Variants in WARS2 observed in about 807,000 individuals in gnomAD.
WARS2 encodes tryptophanyl tRNA synthetase 2, mitochondrial.
In WARS2, 28 loss-of-function variants were observed where a neutral mutation model predicts 36.5. That is an observed-to-expected ratio of 0.77 (90% confidence interval 0.57 to 1.05). WARS2 has a LOEUF of 1.05. Ranked by LOEUF, WARS2 falls within the 50% of genes least tolerant of loss-of-function variation. WARS2 has a pLI of 0.00. For missense variants in WARS2, 435 were observed against 456.8 expected, an observed-to-expected ratio of 0.95 and a Z score of 0.44; for synonymous variants, 174 against 178.4, an observed-to-expected ratio of 0.98 and a Z score of 0.20.
chr1:119,085,533 G>A, intron 1 of WARS2: 1 of 1,608,284 alleles, frequency 6.2e-7, no homozygotes, highest in East Asian at 2.2e-5. Context: ...ACTTGGTGAG[G>A]GGGTACGAGC....
chr1:119,140,340 G>A (rs1264057112), intron 1 of WARS2: 4 of 401,744 alleles, frequency 1.0e-5, no homozygotes, highest in African/African-American at 8.3e-5. Context: ...AGAAAGCGGC[G>A]CGCTTTTTCC....
At chr1:119,062,071 T>G (rs781770340) in intron 2 of WARS2, among the ~76,000 whole-genome samples, 17 of 152,162 alleles carry the variant, frequency 1.1e-4, no homozygotes, top group Non-Finnish European at 2.1e-4. Flanking sequence ...TGTGGAAAAC[T>G]GAGGCTTCTT....
At chr1:119,134,697 T>C (rs896253849) in intron 1 of WARS2, among the ~76,000 whole-genome samples, 2 of 152,216 alleles carry the variant, frequency 1.3e-5, no homozygotes, top group Non-Finnish European at 2.9e-5. Context: ...AGTCAGCATA[T>C]CATCTCTGTG....
intron 2 of WARS2, among the ~76,000 whole-genome samples, chr1:119,070,305 A>C (rs1271707631): frequency 1.3e-5 from 2 of 152,068 alleles, no homozygotes; most frequent in African/African-American, 4.8e-5. Context: ...TCTGTCACCC[A>C]GGCTGGAGTG....
intron 2 of WARS2, among the ~76,000 whole-genome samples, chr1:119,065,547 A>C (rs1450827906): frequency 2.0e-5 from 3 of 151,352 alleles, no homozygotes; most frequent in Non-Finnish European, 4.4e-5. Flanking sequence ...AGGCATGAGA[A>C]TAGCTTGAAT....
chr1:119,113,964 T>C (rs902438885), intron 1 of WARS2, among the ~76,000 whole-genome samples: 2 of 152,162 alleles, frequency 1.3e-5, no homozygotes, highest in African/African-American at 2.4e-5. Context: ...CTAAGTTATA[T>C]CTAATAAGAA....
Position 119,040,845 on chromosome 1 carries a change from C to G in WARS2, c.515+1419G>C, listed in dbSNP as rs1478582688. ...CTTTACAAGCAAATATCCTACCTCT[C>G]TAGAAAATGTATTATTAAGACTTTC... On this transcript the variant is annotated intron_variant, in intron 4 of 5. Coordinates refer to ENST00000235521, the MANE Select transcript of WARS2 (RefSeq NM_015836.4). Among the ~76,000 whole-genome samples, 5 of 152,154 alleles carry G rather than the reference C, an allele frequency of 3.3e-5. No homozygotes were observed. The South Asian group carries it at 8.3e-4, about 25-fold the overall frequency.
chr1:119,138,853 T>A (rs1485798195), intron 1 of WARS2, among the ~76,000 whole-genome samples: 1 of 152,176 alleles, frequency 6.6e-6, no homozygotes, highest in Non-Finnish European at 1.5e-5. Flanking sequence ...ACAATCTAGA[T>A]TAATAATTAA....
At chr1:119,140,411 A>G in intron 1 of WARS2, 144 bp downstream of exon 1, 1 of 632,978 alleles carries the variant, frequency 1.6e-6, no homozygotes, top group South Asian at 2.5e-5. Context: ...GAGCAGGCCG[A>G]CAGTCATAGA....
chr1:119,076,069 T>A (rs186117658), intron 2 of WARS2, among the ~76,000 whole-genome samples: 11 of 152,212 alleles, frequency 7.2e-5, no homozygotes, highest in Admixed American at 6.5e-4. Flanking sequence ...GCAAAACAAT[T>A]CCAGGGCTAG....
intron 3 of WARS2, 108 bp from the exon 4 acceptor site, chr1:119,042,457 C>G: frequency 1.1e-6 from 1 of 943,192 alleles, no homozygotes. Context: ...TGATCTGAAG[C>G]CACCTGTAAT....
chr1:119,037,678 A>G (rs1647994247), intron 4 of WARS2, among the ~76,000 whole-genome samples: 1 of 152,196 alleles, frequency 6.6e-6, no homozygotes, highest in Non-Finnish European at 1.5e-5. Flanking sequence ...GAGAGATAAT[A>G]CCCAATGAAG....
chr1:119,124,144 T>C lies in WARS2; in HGVS notation c.90+16411A>G, dbSNP rs148865460. Reference sequence around the variant, plus strand: ...TTTGGAATCATCATTGACTCTTTTGTTTCTTTCATCCTCCATCTAATTAGT... The same window carrying C: ...TTTGGAATCATCATTGACTCTTTTGCTTCTTTCATCCTCCATCTAATTAGT... On this transcript the variant is annotated intron_variant, in intron 1 of 5. Transcript: ENST00000235521. Among the ~76,000 whole-genome samples, 23 of 152,322 alleles carry C rather than the reference T, an allele frequency of 1.5e-4. No individual in the cohort carries two copies. The East Asian group carries it at 4.4e-3, about 29-fold the overall frequency.
chr1:119,044,584 A>G (rs1212886700), intron 3 of WARS2, among the ~76,000 whole-genome samples: 1 of 152,246 alleles, frequency 6.6e-6, no homozygotes, highest in Non-Finnish European at 1.5e-5. Context: ...TATAAACAAC[A>G]GAAATTTATG....
At chr1:119,035,767 T>C (rs1194210884) in intron 4 of WARS2, among the ~76,000 whole-genome samples, 1 of 152,152 alleles carries the variant, frequency 6.6e-6, no homozygotes, top group Non-Finnish European at 1.5e-5. Context: ...TCTGATCAGG[T>C]AATCCCAAAA....
chr1:119,124,709 G>A (rs1368788476), intron 1 of WARS2, among the ~76,000 whole-genome samples: 1 of 152,034 alleles, frequency 6.6e-6, no homozygotes, highest in African/African-American at 2.4e-5. Context: ...TAACCAGAGT[G>A]AGACTTTAAA....
intron 2 of WARS2, 85 bp downstream of exon 2, chr1:119,076,265 G>A: frequency 6.7e-7 from 1 of 1,503,320 alleles, no homozygotes; most frequent in Non-Finnish European, 9.0e-7. Flanking sequence ...AAAATCACGA[G>A]CAGGGGCTGT....
At chr1:119,137,177 G>A (rs1339406919) in intron 1 of WARS2, among the ~76,000 whole-genome samples, 1 of 152,072 alleles carries the variant, frequency 6.6e-6, no homozygotes, top group African/African-American at 2.4e-5. Context: ...TTAATTTCTT[G>A]ATTTTGATAA....
At chr1:119,045,526 A>G in intron 3 of WARS2, 56 bp downstream of exon 3, 1 of 1,477,260 alleles carries the variant, frequency 6.8e-7, no homozygotes, top group Non-Finnish European at 9.3e-7. Flanking sequence ...CCAGAGCCTA[A>G]CAGGAAGGGA....
Sources: allele counts gnomAD v4.1 joint callset (sites outside exome capture counted in the v4.1 genomes callset), GRCh38; gene constraint gnomAD v4.1.1; transcripts MANE v1.5; gene names NCBI Gene and HGNC (gene_info 2026-07-23, HGNC 2026-07-21).